SRPK2: variants seen among roughly 807,000 people sequenced by gnomAD.
SRPK2 encodes SFRS protein kinase 2.
A neutral mutation model predicts 90.8 loss-of-function variants in SRPK2; 21 were observed. The ratio of observed to expected loss-of-function variants is 0.23; its 90% confidence interval spans 0.16 to 0.33. The LOEUF (loss-of-function observed/expected upper bound fraction) is 0.33. Ranked by LOEUF, SRPK2 falls within the 10% of genes least tolerant of loss-of-function variation. The pLI, the probability that SRPK2 is intolerant of heterozygous loss-of-function variation, is 1.00. For synonymous variants in SRPK2, 288 were observed against 311.1 expected (o/e 0.93, Z 0.78); for missense variants, 620 against 869.0 (o/e 0.71, Z 3.60).
intron 2 of SRPK2, among the ~76,000 whole-genome samples, chr7:105,373,181 C>T (rs921281878): frequency 6.6e-6 from 1 of 152,020 alleles, no homozygotes; most frequent in Non-Finnish European, 1.5e-5. Flanking sequence ...GATAATACTA[C>T]CCACCTATAC....
chr7:105,115,076 G>GAAAT (rs1384171875), downstream of SRPK2, among the ~76,000 whole-genome samples: 1 of 152,172 alleles, frequency 6.6e-6, no homozygotes, highest in East Asian at 1.9e-4. Context: ...GCCTACTACA[G>GAAAT]AAATATGCAT....
intron 2 of SRPK2, among the ~76,000 whole-genome samples, chr7:105,388,181 C>T (rs374082321): frequency 6.6e-6 from 1 of 152,074 alleles, no homozygotes; most frequent in East Asian, 1.9e-4. Context: ...AGACACACGC[C>T]CTCCCGCACA....
At chr7:105,150,592 C>T (rs1264817420) in intron 7 of SRPK2, among the ~76,000 whole-genome samples, 1 of 152,126 alleles carries the variant, frequency 6.6e-6, no homozygotes, top group East Asian at 1.9e-4. Flanking sequence ...AAAATATTTC[C>T]ATGGAGAACA....
At chr7:105,320,229 G>GC (rs139313947) in intron 2 of SRPK2, among the ~76,000 whole-genome samples, 5,084 of 152,066 alleles carry the variant, frequency 0.033, 306 homozygotes, top group African/African-American at 0.12. Flanking sequence ...AAACACCCAC[G>GC]CATATCCCTA....
Position 105,118,093 on chromosome 7 carries a change from G to T in SRPK2, c.1916-71C>A. 6.5e-6 allele frequency: 10 copies of T among 1,537,620 alleles called. No homozygotes were observed. In the South Asian group the frequency reaches 1.2e-4, roughly 18 times the overall value. On this transcript the variant is annotated intron_variant, in intron 15 of 15. Transcript: ENST00000393651. ...CATTCCCCATTGTTGGTCCAGTCAG[G>T]TTCTTTTCAGTGAAGCGGACAACCA... is the stretch of plus-strand genomic sequence containing the variant.
At chr7:105,396,490 G>A (rs529541492) in intron 1 of SRPK2, among the ~76,000 whole-genome samples, 3 of 151,954 alleles carry the variant, frequency 2.0e-5, no homozygotes, top group Admixed American at 1.3e-4. Context: ...ACAAAGCTGG[G>A]CGTGGTGGCA....
At chr7:105,396,123 C>G (rs1822314840) in intron 1 of SRPK2, among the ~76,000 whole-genome samples, 1 of 151,876 alleles carries the variant, frequency 6.6e-6, no homozygotes. Context: ...CCGTGTTGGA[C>G]AGGCTGGTCT....
chr7:105,239,498 T>C (rs1251449356), intron 2 of SRPK2, among the ~76,000 whole-genome samples: 2 of 152,206 alleles, frequency 1.3e-5, no homozygotes, highest in South Asian at 2.1e-4. Flanking sequence ...ACCAAAATAA[T>C]ACATCTTTGT....
intron 2 of SRPK2, among the ~76,000 whole-genome samples, chr7:105,341,345 G>C (rs112080813): frequency 0.039 from 4,711 of 121,080 alleles, 290 homozygotes; most frequent in African/African-American, 0.15. Flanking sequence ...GCGAAAGGGC[G>C]AGACTCCGTC....
intron 2 of SRPK2, chr7:105,297,659 T>G: frequency 5.8e-6 from 1 of 172,712 alleles, no homozygotes; most frequent in Non-Finnish European, 1.2e-5. Context: ...TACAAAGCTC[T>G]ATAAAGCTTT....
intron 3 of SRPK2, among the ~76,000 whole-genome samples, chr7:105,188,571 A>G (rs915497711): frequency 1.3e-5 from 2 of 152,212 alleles, no homozygotes; most frequent in South Asian, 2.1e-4. Flanking sequence ...AAACCAGACA[A>G]AAAATCCCCA....
chr7:105,170,059 G>A (rs1019637635), intron 3 of SRPK2, among the ~76,000 whole-genome samples: 5 of 151,982 alleles, frequency 3.3e-5, no homozygotes, highest in South Asian at 4.1e-4. Flanking sequence ...CAAACAATCC[G>A]CACATCTCCC....
intron 2 of SRPK2, among the ~76,000 whole-genome samples, chr7:105,331,779 A>C (rs2131714199): frequency 6.6e-6 from 1 of 152,320 alleles, no homozygotes; most frequent in South Asian, 2.1e-4. Flanking sequence ...CATATCTCCA[A>C]GGGAACACGA....
intron 2 of SRPK2, among the ~76,000 whole-genome samples, chr7:105,355,382 C>T (rs1585857840): frequency 1.3e-5 from 2 of 152,156 alleles, no homozygotes; most frequent in South Asian, 2.1e-4. Flanking sequence ...CAGTGGCTCA[C>T]GCCTGTAATC....
chr7:105,383,458 T>G (rs1322389120), intron 2 of SRPK2, among the ~76,000 whole-genome samples: 1 of 151,594 alleles, frequency 6.6e-6, no homozygotes, highest in Non-Finnish European at 1.5e-5. Context: ...TGTCGCTCTG[T>G]CACCCAGGCT....
At chr7:105,260,721 A>C (rs1049243370) in intron 2 of SRPK2, among the ~76,000 whole-genome samples, 1 of 152,214 alleles carries the variant, frequency 6.6e-6, no homozygotes, top group Non-Finnish European at 1.5e-5. Context: ...GGATGAGTTC[A>C]TGTCCTTTGC....
At chr7:105,181,765 G>A (rs1415493043) in intron 3 of SRPK2, among the ~76,000 whole-genome samples, 16 of 151,776 alleles carry the variant, frequency 1.1e-4, no homozygotes, top group Non-Finnish European at 1.5e-5. Context: ...ACATCTATAG[G>A]GCACTATGCT....
chr7:105,181,881 T>TAAAAAAAAAAA (rs755821029), intron 3 of SRPK2, among the ~76,000 whole-genome samples: 19 of 84,612 alleles, frequency 2.2e-4, no homozygotes, highest in Admixed American at 5.4e-4. Context: ...AAGATAAAAG[T>TAAAAAAAAAAA]AAAAAAAAAA....
intron 2 of SRPK2, among the ~76,000 whole-genome samples, chr7:105,286,147 T>C (rs1322112047): frequency 6.6e-6 from 1 of 152,236 alleles, no homozygotes; most frequent in Admixed American, 6.5e-5. Flanking sequence ...AGTCTGTACA[T>C]AGGGTTTGGG....
Sources: allele counts gnomAD v4.1 joint callset (sites outside exome capture counted in the v4.1 genomes callset), GRCh38; gene constraint gnomAD v4.1.1; transcripts MANE v1.5; gene names NCBI Gene and HGNC (gene_info 2026-07-23, HGNC 2026-07-21).